The following RAB40C variants were observed in gnomAD, a reference collection of about 807,000 sequenced individuals.
RAB40C encodes the protein ras-related protein Rab-40C.
Under a neutral mutation model 28.1 loss-of-function variants are expected in RAB40C, and 8 were observed. The ratio of observed to expected loss-of-function variants is 0.28; its 90% CI spans 0.17 to 0.51. RAB40C has a LOEUF of 0.51. RAB40C is among the 20% of genes least tolerant of loss of function. The pLI is 0.97. For synonymous variants in RAB40C, 201 were observed against 171.7 expected, an observed-to-expected ratio of 1.17 and a Z score of -1.34; for missense variants, 288 against 405.9, an observed-to-expected ratio of 0.71 and a Z score of 2.50.
intron 1 of RAB40C, among the ~76,000 whole-genome samples, chr16:591,093 T>C (rs938478773): frequency 6.9e-6 from 1 of 145,482 alleles, no homozygotes; most frequent in African/African-American, 2.6e-5. Context: ...AGGGAAGCTG[T>C]CATGGGTCTG....
At chr16:596,905 C>G (rs36085126) in intron 1 of RAB40C, among the ~76,000 whole-genome samples, 1 of 152,198 alleles carries the variant, frequency 6.6e-6, no homozygotes, top group Non-Finnish European at 1.5e-5. Context: ...GCGGCGCACT[C>G]TGATACAGGC....
At chr16:616,996 C>T (rs1034394995) in intron 1 of RAB40C, 7 of 585,612 alleles carry the variant, frequency 1.2e-5, no homozygotes, top group Non-Finnish European at 2.1e-5. Flanking sequence ...CCCTGCCCCG[C>T]CCTGCCCGTG....
chr16:592,228 C>T (rs984757734), intron 1 of RAB40C, among the ~76,000 whole-genome samples: 1 of 152,216 alleles, frequency 6.6e-6, no homozygotes, highest in South Asian at 2.1e-4. Flanking sequence ...CTGCCCTGAG[C>T]GTCTGCTATT....
chr16:597,301 G>A (rs1228166427), intron 1 of RAB40C, among the ~76,000 whole-genome samples: 1 of 151,996 alleles, frequency 6.6e-6, no homozygotes, highest in Non-Finnish European at 1.5e-5. Flanking sequence ...ATGGCAGAGT[G>A]GAAACAGAAG....
Position 610,198 on chromosome 16 carries a change from G to A in RAB40C, c.143-7010G>A, listed in dbSNP as rs2036455479. ...TGGCTTTGCTCTGGTGGCAGGACAG[G>A]TGTTCTGACCTCCCTGCCTCTGTCC... On this transcript the variant is annotated intron_variant, in intron 1 of 5. Coordinates refer to ENST00000248139, the MANE Select transcript of RAB40C (RefSeq NM_021168.5). This position sits in a 1 kb window ranked among gnomAD's most constrained non-coding sequence, Gnocchi z 4.6. Among the ~76,000 whole-genome samples the A allele has an allele frequency of 6.6e-6, 1 of 152,170 alleles. No homozygotes were observed. Among genetic ancestry groups the A allele is most frequent in the African/African-American group, 2.4e-5 (1 of 41,438 alleles).
Position 627,788 on chromosome 16 carries a change from G to A in RAB40C, c.*166G>A, listed in dbSNP as rs1320735300. ...CCGGGTGCGAGGAGGAGCATGCACG[G>A]ACCAAGCGCGGCAGGCGGGAGGAGG... On this transcript the variant is annotated 3_prime_UTR_variant, in exon 6 of 6. Coordinates refer to ENST00000248139, the MANE Select transcript of RAB40C (RefSeq NM_021168.5). 1 of 832,568 alleles carries A rather than the reference G, an allele frequency of 1.2e-6. No homozygotes were observed. The highest frequency in any genetic ancestry group is 3.1e-5 in the East Asian group (1 of 32,734). The allele number at this position is 832,568 out of a possible 1,614,324, so 51.6% of individuals were successfully genotyped here.
In RAB40C at chr16:624,588, A is replaced by G. The variant is rs187332299; in HGVS notation, c.265-844A>G. 5.9e-3 allele frequency: 5,799 copies of G among 985,356 alleles called. 13 individuals are homozygous for G. Among genetic ancestry groups the G allele is most frequent in the Non-Finnish European group, 6.6e-3 (5,490 of 829,844 alleles). The allele number at this position is 985,356 out of a possible 1,614,324, so 61.0% of individuals were successfully genotyped here. A position where few individuals can be genotyped will look rare whatever the true frequency, so the allele number is the denominator to read the frequency against. ...TCTAAAAACCCTAATTTTCAGATGGACAGTGCCCTCTTCTTTCAGCCTCAG... is the reference window on the plus strand; with the variant it reads ...TCTAAAAACCCTAATTTTCAGATGGGCAGTGCCCTCTTCTTTCAGCCTCAG... On this transcript the variant is annotated intron_variant, in intron 3 of 5. Coordinates refer to ENST00000248139, the MANE Select transcript of RAB40C (RefSeq NM_021168.5).
At chr16:607,856 A>G (rs2036396088) in intron 1 of RAB40C, among the ~76,000 whole-genome samples, 1 of 152,144 alleles carries the variant, frequency 6.6e-6, no homozygotes, top group African/African-American at 2.4e-5. Context: ...AAAGAAAAGA[A>G]AACGAAGTCG....
At chr16:608,742 G>A (rs1363044224) in intron 1 of RAB40C, among the ~76,000 whole-genome samples, 2 of 152,108 alleles carry the variant, frequency 1.3e-5, no homozygotes, top group South Asian at 2.1e-4. Flanking sequence ...GCATGGTGGC[G>A]GGCACCTGTA....
At chr16:625,034 C>G in intron 3 of RAB40C, 5 of 1,292,914 alleles carry the variant, frequency 3.9e-6, no homozygotes, top group Non-Finnish European at 5.0e-6. Flanking sequence ...TGCCCCCACT[C>G]AGCTCTGTCC....
In RAB40C at chr16:599,540, G is replaced by A. The variant is rs900148581; in HGVS notation, c.142+9107G>A. ...GGCATGTACGTGAAAATGCACACCC[G>A]TGGGTGTTCGCTACTGTCAGCGTGG... On this transcript the variant is annotated intron_variant, in intron 1 of 5. Coordinates refer to ENST00000248139, the MANE Select transcript of RAB40C (RefSeq NM_021168.5). Among the ~76,000 whole-genome samples the A allele has an allele frequency of 2.8e-4, 43 of 152,256 alleles. 1 individual carries two copies. Among genetic ancestry groups the A allele is most frequent in the South Asian group, 1.2e-3 (6 of 4,836 alleles).
chr16:609,849 A>T (rs2036445234), intron 1 of RAB40C, among the ~76,000 whole-genome samples: 1 of 152,148 alleles, frequency 6.6e-6, no homozygotes, highest in Admixed American at 6.5e-5. Flanking sequence ...CTCAGGATGG[A>T]GGGCGGGAGC....
At chr16:617,021 G>C (rs2151075583) in intron 1 of RAB40C, 187 bp from the exon 2 acceptor site, 1 of 629,594 alleles carries the variant, frequency 1.6e-6, no homozygotes, top group African/African-American at 1.8e-5. Context: ...GTGTGCAGAA[G>C]TGGGCAGGCC....
chr16:601,829 A>G (rs2036257574), intron 1 of RAB40C, among the ~76,000 whole-genome samples: 1 of 146,962 alleles, frequency 6.8e-6, no homozygotes, highest in African/African-American at 2.5e-5. Flanking sequence ...AAAAAAAAAA[A>G]AAAAAAAAAA....
chr16:590,186 G>A lies in RAB40C; in HGVS notation c.-106G>A, dbSNP rs1307054995. Reference sequence around the variant, plus strand: ...CGGGCGCGCCCACTCGGCCGCCGTGGGGCGGACGCAACGGGCGCAGGTGCG... The same window carrying A: ...CGGGCGCGCCCACTCGGCCGCCGTGAGGCGGACGCAACGGGCGCAGGTGCG... On this transcript the variant is annotated 5_prime_UTR_variant, in exon 1 of 6. Coordinates refer to ENST00000248139, the MANE Select transcript of RAB40C (RefSeq NM_021168.5). 79 of 854,076 alleles carry A rather than the reference G, an allele frequency of 9.2e-5. 1 individual carries two copies. In the East Asian group the frequency reaches 7.1e-3, roughly 77 times the overall value. 52.9% of individuals were successfully genotyped at this position (854,076 alleles called of 1,614,324 possible).
At chr16:622,883 C>A (rs2032929794) in intron 3 of RAB40C, among the ~76,000 whole-genome samples, 2 of 152,198 alleles carry the variant, frequency 1.3e-5, no homozygotes, top group South Asian at 4.1e-4. Context: ...CCGTGCTCTG[C>A]CCCTTGAGAC....
At chr16:619,420 C>T (rs2036664396) in intron 3 of RAB40C, among the ~76,000 whole-genome samples, 1 of 152,172 alleles carries the variant, frequency 6.6e-6, no homozygotes, top group Non-Finnish European at 1.5e-5. Flanking sequence ...GCTTGGCCAC[C>T]CTCGTTTCTG....
intron 1 of RAB40C, among the ~76,000 whole-genome samples, chr16:606,687 C>G (rs1449419836): frequency 1.3e-5 from 2 of 152,226 alleles, no homozygotes; most frequent in South Asian, 4.1e-4. Flanking sequence ...CGAGCCTTTC[C>G]CGGCTTCTCC....
intron 3 of RAB40C, among the ~76,000 whole-genome samples, chr16:621,652 G>A (rs1446929385): frequency 6.6e-6 from 1 of 152,240 alleles, no homozygotes; most frequent in Non-Finnish European, 1.5e-5. Flanking sequence ...GCCACAACCC[G>A]CTGGTGGGAT....
Sources: allele counts gnomAD v4.1 joint callset (sites outside exome capture counted in the v4.1 genomes callset), GRCh38; gene constraint gnomAD v4.1.1; non-coding constraint Gnocchi (gnomAD v3.1); transcripts MANE v1.5; gene names NCBI Gene and HGNC (gene_info 2026-07-23, HGNC 2026-07-21).